The following TPTE variants were observed in gnomAD, a reference collection of about 807,000 sequenced individuals.
The protein encoded by TPTE is putative tyrosine-protein phosphatase TPTE.
Under a neutral mutation model 84.1 loss-of-function variants are expected in TPTE, and 59 were observed. The ratio of observed to expected loss-of-function variants is 0.70; its 90% CI spans 0.57 to 0.87. The LOEUF is 0.87. TPTE is among the 40% of genes least tolerant of loss of function. TPTE has a pLI of 0.00. For missense variants in TPTE, 382 were observed against 659.6 expected, an observed-to-expected ratio of 0.58 and a Z score of 4.61; for synonymous variants, 130 against 223.5, an observed-to-expected ratio of 0.58 and a Z score of 3.73.
chr21:10,533,195 AAATT>A (rs2074208788), intron 3 of TPTE, among the ~76,000 whole-genome samples: 1 of 152,424 alleles, frequency 6.6e-6, no homozygotes, highest in Admixed American at 6.5e-5. Context: ...TTCTAACTCT[AAATT>A]AATTAGCTTT....
chr21:10,540,125 A>G (rs1381390604), intron 4 of TPTE, among the ~76,000 whole-genome samples: 3 of 152,312 alleles, frequency 2.0e-5, no homozygotes, highest in Non-Finnish European at 2.9e-5. Flanking sequence ...TAGTATGTAC[A>G]TGTTAACTTC....
intron 3 of TPTE, among the ~76,000 whole-genome samples, chr21:10,528,974 C>CAGG (rs2074129973): frequency 6.6e-6 from 1 of 152,276 alleles, no homozygotes; most frequent in African/African-American, 2.4e-5. Context: ...ACCACGAGGT[C>CAGG]AGGAGTTCAA....
chr21:10,565,818 A>G (rs1037022625), intron 10 of TPTE, among the ~76,000 whole-genome samples: 1 of 152,310 alleles, frequency 6.6e-6, no homozygotes, highest in Non-Finnish European at 1.5e-5. Flanking sequence ...AGAAGAATGC[A>G]CCTAGACCCC....
At chr21:10,575,838 C>T (rs1312916733) in intron 14 of TPTE, among the ~76,000 whole-genome samples, 132 of 149,236 alleles carry the variant, frequency 8.8e-4, no homozygotes, top group African/African-American at 3.2e-3. Flanking sequence ...AAAAAAAAAA[C>T]TCAACATCAC....
rs1435740195 is a variant in TPTE, at chr21:10,521,703, A to C, written c.-211+9A>C. The C allele has an allele frequency of 7.1e-6, 1 of 141,636 alleles. No homozygotes were observed. Among genetic ancestry groups the C allele is most frequent in the African/African-American group, 2.8e-5 (1 of 36,018 alleles). 8.8% of individuals were successfully genotyped at this position (141,636 alleles called of 1,614,324 possible). ...TTAGCTCCGCGCCCGAGGTGAGCCC[A>C]GGCCCTAAGTCCTCCGGGCGGGGGT... is the stretch of plus-strand genomic sequence containing the variant. On this transcript the variant is annotated intron_variant, in intron 1 of 23. Transcript: ENST00000618007.
intron 3 of TPTE, among the ~76,000 whole-genome samples, chr21:10,530,658 G>C (rs1177808985): frequency 2.6e-5 from 4 of 152,302 alleles, no homozygotes; most frequent in African/African-American, 9.6e-5. Context: ...AGACCTGTTT[G>C]AGTATTTCTG....
Position 10,596,003 on chromosome 21 carries a change from G to C in TPTE, c.1192G>C (p.Ala398Pro), listed in dbSNP as rs555626581. 1.2e-6 allele frequency: 2 copies of C among 1,613,778 alleles called. No individual in the cohort carries two copies. Among genetic ancestry groups the C allele is most frequent in the African/African-American group, 2.7e-5 (2 of 74,914 alleles). The change falls in exon 20 of 24, where the codon GCA becomes CCA. Residue 398 changes from alanine (A) to proline (P), a missense_variant. By Grantham distance (27) the Ala-to-Pro change is conservative. Around this residue, in one of 10 missense-constraint regions of TPTE, gnomAD observed 19 missense variants for 59.2 expected, o/e 0.32. Transcript: ENST00000618007. The part of the protein sequence containing the change: ...PSQKRYVAYF[A>P]QVKHLYNWNL... Reference sequence around the variant, plus strand: ...TCAGAAGAGATATGTTGCATATTTTGCACAAGTGAAACATCTCTACAACTG... The same window carrying C: ...TCAGAAGAGATATGTTGCATATTTTCCACAAGTGAAACATCTCTACAACTG...
chr21:10,527,563 C>T (rs1253824195), intron 3 of TPTE, among the ~76,000 whole-genome samples, 151 bp downstream of exon 3: 1 of 152,420 alleles, frequency 6.6e-6, no homozygotes, highest in Non-Finnish European at 1.5e-5. Flanking sequence ...GCTTGGTACT[C>T]AAAGATTGTT....
At position 10,536,366 on chromosome 21, in the gene TPTE, T is replaced by C. The variant is rs536298952; in HGVS notation, c.-43-2315T>C. ...GTACATTGTAGAGTAACTGTAGCTG[T>C]TTGATTCAAAAAGTAAGTTTAGAAT... On this transcript the variant is annotated intron_variant, in intron 3 of 23. Transcript: ENST00000618007. Among the ~76,000 whole-genome samples, 9 of 152,424 alleles carry C rather than the reference T, an allele frequency of 5.9e-5. No individual in the cohort carries two copies. In the East Asian group the frequency reaches 1.2e-3, roughly 20 times the overall value.
chr21:10,565,865 A>G (rs1223088802), intron 10 of TPTE, among the ~76,000 whole-genome samples: 1 of 152,310 alleles, frequency 6.6e-6, no homozygotes, highest in Non-Finnish European at 1.5e-5. Flanking sequence ...ATCAACATGA[A>G]TTAAAGACTT....
chr21:10,598,836 T>G (rs71319775), intron 21 of TPTE, among the ~76,000 whole-genome samples: 1,025 of 150,854 alleles, frequency 6.8e-3, no homozygotes, highest in Middle Eastern at 0.017. Context: ...CTCCTATTAC[T>G]AACCCTATTC....
At chr21:10,574,984 G>T (rs1183735387) in intron 14 of TPTE, among the ~76,000 whole-genome samples, 1 of 152,308 alleles carries the variant, frequency 6.6e-6, no homozygotes, top group Non-Finnish European at 1.5e-5. Context: ...CTGAATCCAG[G>T]GAGCCAGGCA....
At chr21:10,536,244 C>T (rs2074263064) in intron 3 of TPTE, among the ~76,000 whole-genome samples, 1 of 152,308 alleles carries the variant, frequency 6.6e-6, no homozygotes, top group Admixed American at 6.5e-5. Flanking sequence ...CTCCACTGCA[C>T]TCCAGCCTCG....
chr21:10,575,826 G>GAA (rs61122354), intron 14 of TPTE, among the ~76,000 whole-genome samples: 349 of 147,742 alleles, frequency 2.4e-3, no homozygotes, highest in Non-Finnish European at 2.0e-3. Context: ...ACAAAAATAT[G>GAA]AAAAAAAAAA....
chr21:10,532,422 T>C (rs1363845393), intron 3 of TPTE, among the ~76,000 whole-genome samples: 1 of 152,304 alleles, frequency 6.6e-6, no homozygotes, highest in East Asian at 1.9e-4. Flanking sequence ...CACAGGTCTA[T>C]TGTAGTAATC....
At chr21:10,591,042 G>C (rs1411915746) in intron 18 of TPTE, among the ~76,000 whole-genome samples, 1 of 152,296 alleles carries the variant, frequency 6.6e-6, no homozygotes. Flanking sequence ...AGCTTAATTA[G>C]ATAAATTCTC....
intron 21 of TPTE, among the ~76,000 whole-genome samples, chr21:10,598,942 A>C (rs1032154145): frequency 1.3e-5 from 2 of 152,308 alleles, no homozygotes; most frequent in African/African-American, 2.4e-5. Flanking sequence ...TGTTCTTAGC[A>C]AATACTTTAC....
chr21:10,522,307 G>C (rs2073995258), intron 1 of TPTE, among the ~76,000 whole-genome samples: 1 of 152,296 alleles, frequency 6.6e-6, no homozygotes, highest in South Asian at 2.1e-4. Flanking sequence ...CGATTTAGAA[G>C]GGCTTGGGGT....
chr21:10,583,832 A>G (rs1268303108), intron 17 of TPTE, among the ~76,000 whole-genome samples: 1 of 152,312 alleles, frequency 6.6e-6, no homozygotes, highest in African/African-American at 2.4e-5. Flanking sequence ...CCTGAGGAAC[A>G]TGAATCTGTT....
Sources: allele counts gnomAD v4.1 joint callset (sites outside exome capture counted in the v4.1 genomes callset), GRCh38; gene constraint gnomAD v4.1.1; regional missense constraint gnomAD v4.1.1; transcripts MANE v1.5; gene names NCBI Gene and HGNC (gene_info 2026-07-23, HGNC 2026-07-21).